The following GALNT13 variants were observed in gnomAD, a reference collection of about 807,000 sequenced individuals.
GALNT13 encodes polypeptide N-acetylgalactosaminyltransferase 13, also known as UDP-GalNAc:polypeptide N-acetylgalactosaminyltransferase 13.
A neutral mutation model predicts 64.2 loss-of-function variants in GALNT13; 28 were observed. The ratio of observed to expected loss-of-function variants is 0.44; its 90% confidence interval spans 0.32 to 0.60. The LOEUF is 0.60. GALNT13 is among the 20% of genes least tolerant of loss of function. The pLI is 0.05. For synonymous variants in GALNT13, 214 were observed against 224.6 expected, an observed-to-expected ratio of 0.95 and a Z score of 0.42; for missense variants, 577 against 669.8, an observed-to-expected ratio of 0.86 and a Z score of 1.53.
At chr2:153,400,567 G>A in the GALNT13 span, among the ~76,000 whole-genome samples, 1 of 152,016 alleles carries the variant, frequency 6.6e-6, no homozygotes, top group African/African-American at 2.4e-5. Flanking sequence ...GACTCTTTTT[G>A]GTTGGTAAGC....
At chr2:153,639,041 TTTGTTTTGTTTTGTTTTG>T in the GALNT13 span, among the ~76,000 whole-genome samples, 3 of 654 alleles carry the variant, frequency 4.6e-3, no homozygotes, top group Admixed American at 0.016. Context: ...GGAGAATTGT[TTTGTTTTGTTTTGTTTTG>T]TTTTGTTTTG....
At chr2:153,703,140 G>A in the GALNT13 span, among the ~76,000 whole-genome samples, 3 of 152,254 alleles carry the variant, frequency 2.0e-5, no homozygotes, top group South Asian at 2.1e-4. Context: ...TTTGCAATGT[G>A]AAGCATCTTA....
the GALNT13 span, among the ~76,000 whole-genome samples, chr2:153,132,805 A>G: frequency 1.2e-4 from 18 of 152,162 alleles, no homozygotes; most frequent in East Asian, 2.5e-3. Flanking sequence ...CTGTAGCTTC[A>G]ACCTCCCCAG....
At chr2:153,333,411 G>A in the GALNT13 span, among the ~76,000 whole-genome samples, 73 of 152,244 alleles carry the variant, frequency 4.8e-4, no homozygotes, top group South Asian at 6.2e-4. Flanking sequence ...CACAAGGGCC[G>A]TTTGCTGGCA....
chr2:153,723,529 C>A, the GALNT13 span, among the ~76,000 whole-genome samples: 1 of 150,172 alleles, frequency 6.7e-6, no homozygotes. Flanking sequence ...TGTTTGCAGA[C>A]GACATGATTG....
chr2:154,180,445 A>G (rs543433123), intron 4 of GALNT13, among the ~76,000 whole-genome samples: 97 of 152,134 alleles, frequency 6.4e-4, no homozygotes, highest in African/African-American at 2.3e-3. Context: ...AAATACAAAT[A>G]TTGCTGTTTA....
chr2:153,160,935 CAG>C, the GALNT13 span, among the ~76,000 whole-genome samples: 2 of 152,168 alleles, frequency 1.3e-5, no homozygotes, highest in Non-Finnish European at 1.5e-5. Flanking sequence ...AGATTACTGT[CAG>C]AGAATGACTG....
the GALNT13 span, among the ~76,000 whole-genome samples, chr2:153,165,036 G>A: frequency 6.6e-6 from 1 of 152,186 alleles, no homozygotes; most frequent in African/African-American, 2.4e-5. Context: ...TTAGTTATAA[G>A]TCAGTTTGAA....
At chr2:153,271,428 G>T in the GALNT13 span, among the ~76,000 whole-genome samples, 4 of 152,246 alleles carry the variant, frequency 2.6e-5, no homozygotes, top group Admixed American at 2.6e-4. Context: ...AAAGTTTCAG[G>T]ATACAAAATC....
chr2:153,630,807 A>ATT, the GALNT13 span, among the ~76,000 whole-genome samples: 13 of 21,986 alleles, frequency 5.9e-4, no homozygotes, highest in African/African-American at 1.1e-3. Flanking sequence ...ATATATATAT[A>ATT]TTTTTTTTTT....
chr2:153,457,537 A>G, the GALNT13 span, among the ~76,000 whole-genome samples: 3 of 152,172 alleles, frequency 2.0e-5, no homozygotes, highest in Non-Finnish European at 2.9e-5. Flanking sequence ...TGAACTAGAC[A>G]CTTCATCCAT....
the GALNT13 span, among the ~76,000 whole-genome samples, chr2:153,533,254 G>A: frequency 6.6e-6 from 1 of 151,772 alleles, no homozygotes; most frequent in African/African-American, 2.4e-5. Flanking sequence ...TTCTGCTTGG[G>A]GTTTTTTTTC....
chr2:153,289,665 C>T, the GALNT13 span, among the ~76,000 whole-genome samples: 1 of 152,122 alleles, frequency 6.6e-6, no homozygotes, highest in Non-Finnish European at 1.5e-5. Flanking sequence ...TGAGAAGATA[C>T]TTTTAAAATC....
At chr2:153,363,440 C>T in the GALNT13 span, among the ~76,000 whole-genome samples, 2 of 151,956 alleles carry the variant, frequency 1.3e-5, no homozygotes, top group Non-Finnish European at 1.5e-5. Flanking sequence ...ATCACTGAAT[C>T]CAGGAGCTGG....
At chr2:153,873,347 G>C (rs1400948309) in intron 1 of GALNT13, among the ~76,000 whole-genome samples, 1 of 152,236 alleles carries the variant, frequency 6.6e-6, no homozygotes, top group Non-Finnish European at 1.5e-5. Flanking sequence ...GCGAACCTGA[G>C]CGCACTGAGG....
the GALNT13 span, among the ~76,000 whole-genome samples, chr2:153,206,723 T>A: frequency 6.6e-6 from 1 of 152,236 alleles, no homozygotes; most frequent in Non-Finnish European, 1.5e-5. Flanking sequence ...GTGTTGGCTA[T>A]ATTAAAGTTT....
chr2:153,273,135 G>A, the GALNT13 span, among the ~76,000 whole-genome samples: 5 of 152,288 alleles, frequency 3.3e-5, no homozygotes, highest in East Asian at 9.7e-4. Flanking sequence ...GTCAGGGGGT[G>A]AGGGGCTAGG....
In GALNT13 at chr2:154,301,556, G is replaced by A. The variant is rs771322624; in HGVS notation, c.1123G>A (p.Glu375Lys). The A allele has an allele frequency of 6.2e-7, 1 of 1,612,680 alleles. No individual in the cohort carries two copies. Among genetic ancestry groups the A allele is most frequent in the South Asian group, 1.1e-5 (1 of 90,948 alleles). ...NRRLAEVWMDEFKDFFYIISP... is the reference protein window; with the variant it reads ...NRRLAEVWMDKFKDFFYIISP... Reference sequence around the variant, plus strand: ...GAGACTGGCAGAAGTTTGGATGGATGAATTTAAAGATTTCTTCTACATCAT... The same window carrying A: ...GAGACTGGCAGAAGTTTGGATGGATAAATTTAAAGATTTCTTCTACATCAT... Residue 375 changes from glutamate (E) to lysine (K), a missense_variant, in exon 9 of 13, where the codon GAA becomes AAA. Transcript: ENST00000392825.
At chr2:153,452,323 A>G in the GALNT13 span, among the ~76,000 whole-genome samples, 3 of 152,150 alleles carry the variant, frequency 2.0e-5, no homozygotes, top group South Asian at 4.1e-4. Context: ...TGTACTAAAA[A>G]TACAAAAATT....
Sources: gnomAD v4.1 joint callset for allele counts (sites outside exome capture counted in the v4.1 genomes callset) on GRCh38, gnomAD v4.1.1 for gene constraint, MANE v1.5 for transcripts, NCBI Gene and HGNC (gene_info 2026-07-23, HGNC 2026-07-21) for gene names.